ARHGEF3: variants seen among roughly 807,000 people sequenced by gnomAD.
ARHGEF3 encodes the protein Rho guanine nucleotide exchange factor 3, also known as 59.8 kDA protein.
A neutral mutation model predicts 63.2 loss-of-function variants in ARHGEF3; 28 were observed. The observed-to-expected ratio is 0.44, with a 90% CI of 0.33 to 0.61. The LOEUF (loss-of-function observed/expected upper bound fraction) is 0.61, where lower values mean the gene tolerates loss of function less well. Ranked by LOEUF, ARHGEF3 falls within the 20% of genes least tolerant of loss-of-function variation. The pLI, the probability that ARHGEF3 is intolerant of heterozygous loss-of-function variation, is 0.03. For missense variants in ARHGEF3, 533 were observed against 659.3 expected, an observed-to-expected ratio of 0.81 and a Z score of 2.10; for synonymous variants, 266 against 254.2, an observed-to-expected ratio of 1.05 and a Z score of -0.44.
chr3:56,816,846 CAGGG>C (rs2038291725), intron 4 of ARHGEF3, among the ~76,000 whole-genome samples: 1 of 152,178 alleles, frequency 6.6e-6, no homozygotes, highest in Non-Finnish European at 1.5e-5. Flanking sequence ...AGTCACAAAC[CAGGG>C]AGTCCTGAGG....
At chr3:56,757,329 C>T (rs996697320) in intron 2 of ARHGEF3, among the ~76,000 whole-genome samples, 4 of 151,968 alleles carry the variant, frequency 2.6e-5, no homozygotes, top group South Asian at 2.1e-4. Flanking sequence ...AAAAATTAGC[C>T]GGGGCGTGGT....
intron 2 of ARHGEF3, among the ~76,000 whole-genome samples, chr3:56,760,077 A>G (rs1203491320): frequency 1.3e-5 from 2 of 152,202 alleles, no homozygotes; most frequent in Non-Finnish European, 2.9e-5. Flanking sequence ...TATTACAAAA[A>G]GTGCCTCAGT....
chr3:56,776,477 G>A (rs2107852799), intron 1 of ARHGEF3, among the ~76,000 whole-genome samples: 1 of 152,258 alleles, frequency 6.6e-6, no homozygotes, highest in East Asian at 1.9e-4. Flanking sequence ...ACACTTACAG[G>A]TTATTGGATC....
chr3:56,990,888 T>G (rs78246164), intron 2 of ARHGEF3, among the ~76,000 whole-genome samples: 20,685 of 152,140 alleles, frequency 0.14, 1,933 homozygotes, highest in Middle Eastern at 0.22. Flanking sequence ...TAATCCTGCC[T>G]AAGGGGTCAG....
At chr3:57,040,218 C>T (rs1228000055) in intron 1 of ARHGEF3, among the ~76,000 whole-genome samples, 2 of 152,226 alleles carry the variant, frequency 1.3e-5, no homozygotes, top group South Asian at 2.1e-4. Flanking sequence ...TGGCTTATGC[C>T]TGTAATCCCA....
chr3:56,964,885 C>T (rs920241045), intron 2 of ARHGEF3, among the ~76,000 whole-genome samples: 1 of 152,006 alleles, frequency 6.6e-6, no homozygotes, highest in Non-Finnish European at 1.5e-5. Flanking sequence ...ACAAAATAGA[C>T]ATTAAATAGA....
intron 7 of ARHGEF3, 50 bp from the exon 8 acceptor site, chr3:56,737,405 T>G: frequency 6.7e-7 from 1 of 1,491,386 alleles, no homozygotes; most frequent in Admixed American, 1.8e-5. Context: ...AGCAAACCAT[T>G]CACACCAAGT....
intron 4 of ARHGEF3, among the ~76,000 whole-genome samples, chr3:56,869,811 G>GA (rs892825856): frequency 2.6e-5 from 4 of 151,628 alleles, no homozygotes; most frequent in East Asian, 3.9e-4. Context: ...CTCCAGCCTG[G>GA]AAAAAAAATC....
intron 1 of ARHGEF3, among the ~76,000 whole-genome samples, chr3:57,039,448 CAT>C (rs1704089605): frequency 6.6e-6 from 1 of 152,180 alleles, no homozygotes; most frequent in African/African-American, 2.4e-5. Flanking sequence ...CACCAAGAGA[CAT>C]ATTCTAGAAT....
intron 3 of ARHGEF3, among the ~76,000 whole-genome samples, chr3:56,931,154 G>A (rs915532218): frequency 6.6e-6 from 1 of 152,186 alleles, no homozygotes; most frequent in Non-Finnish European, 1.5e-5. Context: ...TGAGAAGTTT[G>A]AGAAATTGCT....
intron 2 of ARHGEF3, among the ~76,000 whole-genome samples, chr3:56,969,510 C>T (rs1054815484): frequency 2.6e-5 from 4 of 152,024 alleles, no homozygotes; most frequent in Non-Finnish European, 5.9e-5. Context: ...CGGTGGCTCA[C>T]GCCTGTAATC....
intron 2 of ARHGEF3, among the ~76,000 whole-genome samples, chr3:57,001,778 T>C (rs972485162): frequency 1.3e-5 from 2 of 152,162 alleles, no homozygotes; most frequent in Admixed American, 6.5e-5. Flanking sequence ...AACTGAATTA[T>C]TTAGGTGCCA....
At chr3:56,883,344 G>C (rs1358833955) in intron 3 of ARHGEF3, among the ~76,000 whole-genome samples, 3 of 150,586 alleles carry the variant, frequency 2.0e-5, no homozygotes, top group Non-Finnish European at 4.4e-5. Context: ...CTGTTGCCTA[G>C]GCTGGAGTGC....
At chr3:56,973,838 G>A (rs775553376) in intron 2 of ARHGEF3, among the ~76,000 whole-genome samples, 2 of 152,158 alleles carry the variant, frequency 1.3e-5, no homozygotes, top group Non-Finnish European at 2.9e-5. Context: ...AATTGACAGA[G>A]AGCTTAGGTA....
chr3:56,872,832 A>G (rs1003609865), intron 4 of ARHGEF3, among the ~76,000 whole-genome samples: 4 of 152,230 alleles, frequency 2.6e-5, no homozygotes, highest in Admixed American at 6.5e-5. Context: ...TTAAAATTAC[A>G]TGATCAATTC....
Position 56,923,025 on chromosome 3 carries a change from AATATATATATAT to A in ARHGEF3, c.129+35786_129+35797del, listed in dbSNP as rs72294634. Reference sequence around the variant, plus strand: ...AAATGGCAAAACCCCATCTCTACTAAATATATATATATATATATATATATATATATATATATA... The same window carrying A: ...AAATGGCAAAACCCCATCTCTACTAAATATATATATATATATATATATATA... On this transcript the variant is annotated intron_variant, in intron 3 of 12. Coordinates refer to the ARHGEF3 transcript ENST00000338458. Among the ~76,000 whole-genome samples, 127 of 91,246 alleles carry A rather than the reference AATATATATATAT, an allele frequency of 1.4e-3. 1 individual carries two copies. The highest frequency in any genetic ancestry group is 4.5e-3 in the Middle Eastern group (1 of 224). 59.9% of individuals were successfully genotyped at this position (91,246 alleles called of 152,430 possible).
At chr3:56,743,324 C>T (rs2034167462) in intron 7 of ARHGEF3, among the ~76,000 whole-genome samples, 1 of 152,196 alleles carries the variant, frequency 6.6e-6, no homozygotes, top group Non-Finnish European at 1.5e-5. Context: ...GGTGACCAGA[C>T]AGCTCTCCAC....
intron 6 of ARHGEF3, among the ~76,000 whole-genome samples, chr3:56,748,477 T>A (rs1357995435): frequency 6.6e-6 from 1 of 152,096 alleles, no homozygotes; most frequent in Non-Finnish European, 1.5e-5. Context: ...TTAAATAGAC[T>A]ATCAAGAATT....
At chr3:56,962,802 G>A (rs1445374709) in intron 2 of ARHGEF3, among the ~76,000 whole-genome samples, 1 of 152,184 alleles carries the variant, frequency 6.6e-6, no homozygotes, top group African/African-American at 2.4e-5. Context: ...GTTAGGGAAT[G>A]ATCTCAAATT....
Sources: allele counts gnomAD v4.1 joint callset (sites outside exome capture counted in the v4.1 genomes callset), GRCh38; gene constraint gnomAD v4.1.1; transcripts MANE v1.5; gene names NCBI Gene and HGNC (gene_info 2026-07-23, HGNC 2026-07-21).